The following SCHIP1 variants were observed in gnomAD, a reference collection of about 807,000 sequenced individuals.
SCHIP1 encodes the protein schwannomin-interacting protein 1.
In SCHIP1, 8 loss-of-function variants were observed where a neutral mutation model predicts 29.7. That is an observed-to-expected ratio of 0.27 (90% CI 0.16 to 0.49). SCHIP1 has a LOEUF of 0.49. SCHIP1 is among the 20% of genes least tolerant of loss of function. The pLI is 0.99. For missense variants in SCHIP1, 193 were observed against 294.6 expected (o/e 0.66, Z 2.52); for synonymous variants, 76 against 94.9 (o/e 0.80, Z 1.16).
At chr3:159,273,945 G>A in the SCHIP1 span, 1 of 1,588,892 alleles carries the variant, frequency 6.3e-7, no homozygotes, top group Non-Finnish European at 8.6e-7. Flanking sequence ...AATGAAGAGA[G>A]AAAACTTCAA....
At chr3:159,446,258 A>T in the SCHIP1 span, among the ~76,000 whole-genome samples, 1 of 152,134 alleles carries the variant, frequency 6.6e-6, no homozygotes, top group East Asian at 1.9e-4. Flanking sequence ...TAATATTGTT[A>T]TAATGGTATC....
the SCHIP1 span, among the ~76,000 whole-genome samples, chr3:159,785,313 C>A: frequency 1.3e-5 from 2 of 152,178 alleles, no homozygotes; most frequent in Non-Finnish European, 2.9e-5. Flanking sequence ...CTTAAAATGC[C>A]ATATCAGAAC....
At chr3:159,579,073 C>T in the SCHIP1 span, among the ~76,000 whole-genome samples, 1 of 152,198 alleles carries the variant, frequency 6.6e-6, no homozygotes, top group South Asian at 2.1e-4. Flanking sequence ...AATCACTATA[C>T]AAATGGAGTC....
At chr3:159,778,422 A>G in the SCHIP1 span, among the ~76,000 whole-genome samples, 1 of 152,212 alleles carries the variant, frequency 6.6e-6, no homozygotes. Flanking sequence ...TTATGTTAAT[A>G]TCTTATATGT....
the SCHIP1 span, among the ~76,000 whole-genome samples, chr3:159,676,835 C>T: frequency 1.3e-5 from 2 of 152,200 alleles, no homozygotes; most frequent in Admixed American, 1.3e-4. Context: ...CAAAGGAAGT[C>T]TTCCTACTCA....
chr3:159,298,779 G>A, the SCHIP1 span, among the ~76,000 whole-genome samples: 1 of 152,104 alleles, frequency 6.6e-6, no homozygotes, highest in Non-Finnish European at 1.5e-5. Context: ...AATAGTAAAG[G>A]GGACTGAAAG....
chr3:159,392,408 C>T, the SCHIP1 span, among the ~76,000 whole-genome samples: 1 of 152,002 alleles, frequency 6.6e-6, no homozygotes. Context: ...TGCGCTGCAC[C>T]CACTAACTCG....
At chr3:159,712,838 AAGAAAGAAAGAG>A in the SCHIP1 span, among the ~76,000 whole-genome samples, 11 of 150,416 alleles carry the variant, frequency 7.3e-5, no homozygotes, top group African/African-American at 2.2e-4. Context: ...GAAAGAAAGA[AAGAAAGAAAGAG>A]AGAGAGAAAG....
the SCHIP1 span, among the ~76,000 whole-genome samples, chr3:159,371,938 T>C: frequency 6.6e-6 from 1 of 152,172 alleles, no homozygotes; most frequent in Non-Finnish European, 1.5e-5. Flanking sequence ...GCCAACTGTA[T>C]ATGTACTATT....
the SCHIP1 span, among the ~76,000 whole-genome samples, chr3:159,562,797 G>A: frequency 3.9e-5 from 6 of 152,092 alleles, 1 homozygote; most frequent in South Asian, 1.0e-3. Context: ...TTAATGAACT[G>A]GGTGCCACAA....
At chr3:159,636,508 T>C in the SCHIP1 span, among the ~76,000 whole-genome samples, 1 of 152,184 alleles carries the variant, frequency 6.6e-6, no homozygotes, top group South Asian at 2.1e-4. Context: ...AAAATCAATT[T>C]CAGGACCTAA....
the SCHIP1 span, among the ~76,000 whole-genome samples, chr3:159,661,658 G>A: frequency 1.3e-5 from 2 of 152,202 alleles, no homozygotes; most frequent in Non-Finnish European, 2.9e-5. Context: ...TGTATGGGGA[G>A]AGTGGGGTTA....
At chr3:159,505,697 C>A in the SCHIP1 span, among the ~76,000 whole-genome samples, 1 of 152,104 alleles carries the variant, frequency 6.6e-6, no homozygotes, top group African/African-American at 2.4e-5. Flanking sequence ...GTTCGATTCC[C>A]ACCTATGAGT....
At chr3:159,558,686 C>A in the SCHIP1 span, among the ~76,000 whole-genome samples, 5 of 152,312 alleles carry the variant, frequency 3.3e-5, no homozygotes, top group Non-Finnish European at 5.9e-5. Flanking sequence ...AGAGTCTCAT[C>A]GGTAGCCCCT....
the SCHIP1 span, chr3:159,273,572 A>G: frequency 2.4e-6 from 3 of 1,259,206 alleles, no homozygotes; most frequent in African/African-American, 3.1e-5. Flanking sequence ...AGCAAACTTC[A>G]TCTCCCAAAA....
chr3:159,718,027 A>C, the SCHIP1 span, among the ~76,000 whole-genome samples: 10 of 152,176 alleles, frequency 6.6e-5, no homozygotes, highest in Non-Finnish European at 1.3e-4. Flanking sequence ...AAAAGCTTAT[A>C]CACCGTGATT....
At chr3:159,465,527 G>T in the SCHIP1 span, among the ~76,000 whole-genome samples, 1 of 152,096 alleles carries the variant, frequency 6.6e-6, no homozygotes, top group African/African-American at 2.4e-5. Flanking sequence ...TAGGCTTCTA[G>T]TAAATAGATC....
At chr3:159,804,751 A>G in the SCHIP1 span, among the ~76,000 whole-genome samples, 1 of 152,258 alleles carries the variant, frequency 6.6e-6, no homozygotes, top group Admixed American at 6.5e-5. Flanking sequence ...CCTGGTTAGG[A>G]AAGGCTTCAG....
At chr3:159,793,322 C>T in the SCHIP1 span, among the ~76,000 whole-genome samples, 6 of 152,060 alleles carry the variant, frequency 3.9e-5, no homozygotes, top group Non-Finnish European at 8.8e-5. Flanking sequence ...AAACCACTGG[C>T]GTAAAGGATA....
Sources: gnomAD v4.1 joint callset for allele counts (sites outside exome capture counted in the v4.1 genomes callset) on GRCh38, gnomAD v4.1.1 for gene constraint, MANE v1.5 for transcripts, NCBI Gene and HGNC (gene_info 2026-07-23, HGNC 2026-07-21) for gene names.